The following TTC34 variants were observed in gnomAD, a reference collection of about 807,000 sequenced individuals.
TTC34 encodes tetratricopeptide repeat protein 34.
A neutral mutation model predicts 40.7 loss-of-function variants in TTC34; 44 were observed. The observed-to-expected ratio is 1.08, with a 90% CI of 0.85 to 1.39. TTC34 has a LOEUF of 1.39. Ranked by LOEUF, TTC34 falls within the 40% of genes most tolerant of loss-of-function variation. The pLI, the probability that TTC34 is intolerant of heterozygous loss-of-function variation, is 0.00. For missense variants in TTC34, 884 were observed against 838.0 expected, an observed-to-expected ratio of 1.05 and a Z score of -0.68; for synonymous variants, 422 against 398.6, an observed-to-expected ratio of 1.06 and a Z score of -0.70.
intron 6 of TTC34, among the ~76,000 whole-genome samples, chr1:2,768,242 C>T (rs1019386610): frequency 3.3e-5 from 5 of 151,854 alleles, no homozygotes; most frequent in Non-Finnish European, 7.4e-5. Context: ...GTTGGGAGTG[C>T]CATTCCAGGC....
intron 6 of TTC34, among the ~76,000 whole-genome samples, chr1:2,759,762 AC>A (rs1641632969): frequency 2.1e-5 from 1 of 46,536 alleles, no homozygotes; most frequent in Non-Finnish European, 3.7e-5. Flanking sequence ...CCCCACACCC[AC>A]AGGTGAGCAT....
chr1:2,794,201 C>T (rs1643692235), intron 2 of TTC34, among the ~76,000 whole-genome samples: 1 of 151,904 alleles, frequency 6.6e-6, no homozygotes, highest in Admixed American at 6.6e-5. Context: ...GAGACCAGTT[C>T]CCACTATGTT....
At chr1:2,650,183 G>C (rs887578495) in intron 6 of TTC34, among the ~76,000 whole-genome samples, 1 of 145,832 alleles carries the variant, frequency 6.9e-6, no homozygotes, top group East Asian at 2.0e-4. Flanking sequence ...ACCCTCAGGT[G>C]AGCTTCTGAC....
At chr1:2,759,550 C>T (rs1641622737) in intron 6 of TTC34, among the ~76,000 whole-genome samples, 18 of 143,366 alleles carry the variant, frequency 1.3e-4, no homozygotes, top group South Asian at 2.3e-4. Flanking sequence ...CCTGGAACAG[C>T]ACCCACACTC....
intron 6 of TTC34, among the ~76,000 whole-genome samples, chr1:2,683,466 C>CG (rs1640172816): frequency 6.6e-6 from 1 of 151,556 alleles, no homozygotes; most frequent in Admixed American, 6.6e-5. Context: ...TGGAGCAGCA[C>CG]CCACACCACC....
At chr1:2,747,675 ACC>A (rs1641197341) in intron 6 of TTC34, among the ~76,000 whole-genome samples, 1 of 140,714 alleles carries the variant, frequency 7.1e-6, no homozygotes, top group Non-Finnish European at 1.5e-5. Context: ...CAGCACGCAA[ACC>A]CCCAGGTGAG....
At chr1:2,691,572 A>T (rs1251705980) in intron 6 of TTC34, among the ~76,000 whole-genome samples, 69 of 127,022 alleles carry the variant, frequency 5.4e-4, no homozygotes, top group African/African-American at 1.4e-3. Flanking sequence ...AGACTGGAAC[A>T]GCACCCACAT....
intron 6 of TTC34, among the ~76,000 whole-genome samples, chr1:2,700,210 C>CAA (rs1557633580): frequency 1.2e-4 from 9 of 75,700 alleles, no homozygotes; most frequent in African/African-American, 3.5e-4. Flanking sequence ...CAGCGCCGAC[C>CAA]CCCCCAGGGT....
At chr1:2,752,267 A>T (rs1641345482) in intron 6 of TTC34, among the ~76,000 whole-genome samples, 1 of 105,390 alleles carries the variant, frequency 9.5e-6, no homozygotes, top group African/African-American at 4.6e-5. Flanking sequence ...TGAGCCTCTG[A>T]CAGCCTGGAA....
intron 6 of TTC34, among the ~76,000 whole-genome samples, chr1:2,781,366 T>G (rs533934081): frequency 4.2e-4 from 64 of 152,350 alleles, no homozygotes; most frequent in African/African-American, 1.5e-3. Context: ...TGCAACTGAT[T>G]TTTGTGTTGC....
intron 6 of TTC34, among the ~76,000 whole-genome samples, chr1:2,687,750 T>C (rs555395065): frequency 7.2e-4 from 107 of 148,952 alleles, no homozygotes; most frequent in Non-Finnish European, 1.2e-3. Context: ...TCCGACAGCC[T>C]GGAGCAGAAC....
chr1:2,748,829 C>T lies in TTC34; in HGVS notation c.2226+34780G>A, dbSNP rs1396389283. Among the ~76,000 whole-genome samples, 128 of 74,092 alleles carry T rather than the reference C, an allele frequency of 1.7e-3. 1 individual carries two copies. The highest frequency in any genetic ancestry group is 2.7e-3 in the Admixed American group (19 of 6,944). The allele number at this position is 74,092 out of a possible 152,430, so 48.6% of individuals were successfully genotyped here. ...CAGGCGAGCATCTGACAGCCTCGGT[C>T]GGCACCCACAAACCCAGGTGAGCAT... is the stretch of plus-strand genomic sequence containing the variant. On this transcript the variant is annotated intron_variant, in intron 6 of 8. Transcript: ENST00000401095.
chr1:2,649,803 C>T (rs987316963), intron 6 of TTC34, among the ~76,000 whole-genome samples: 5 of 152,304 alleles, frequency 3.3e-5, no homozygotes, highest in South Asian at 2.1e-4. Context: ...CACGAGTCAT[C>T]GCACCTGGCT....
chr1:2,783,660 C>T, exon 6 of TTC34: 1 of 1,531,924 alleles, frequency 6.5e-7, no homozygotes, highest in Non-Finnish European at 8.8e-7. Context: ...ACAGTGCCTG[C>T]ACGTTCCCCG....
intron 6 of TTC34, among the ~76,000 whole-genome samples, chr1:2,652,467 C>T (rs1215904490): frequency 5.9e-5 from 9 of 151,802 alleles, no homozygotes; most frequent in Admixed American, 2.0e-4. Context: ...ATCCGACAGC[C>T]TGGAGCAGAA....
At chr1:2,692,937 T>C (rs1362459596) in intron 6 of TTC34, among the ~76,000 whole-genome samples, 24 of 22,424 alleles carry the variant, frequency 1.1e-3, no homozygotes, top group South Asian at 1.5e-3. Context: ...CCTGGAGCAG[T>C]GCCCACACCC....
intron 6 of TTC34, among the ~76,000 whole-genome samples, chr1:2,698,468 C>A (rs1479477599): frequency 9.8e-5 from 12 of 122,730 alleles, no homozygotes; most frequent in Non-Finnish European, 2.0e-4. Flanking sequence ...CATGTGACAG[C>A]CTGGATCAGC....
At chr1:2,750,218 C>A (rs1641269759) in intron 6 of TTC34, among the ~76,000 whole-genome samples, 1 of 152,294 alleles carries the variant, frequency 6.6e-6, no homozygotes, top group African/African-American at 2.4e-5. Flanking sequence ...AGGTGCGCAT[C>A]TGATGGTCTG....
intron 6 of TTC34, among the ~76,000 whole-genome samples, chr1:2,684,798 C>G (rs557103024): frequency 7.5e-6 from 1 of 133,672 alleles, no homozygotes; most frequent in African/African-American, 3.3e-5. Flanking sequence ...CACCCACACC[C>G]CCAGGTGAGC....
Sources: allele counts gnomAD v4.1 joint callset (sites outside exome capture counted in the v4.1 genomes callset), GRCh38; gene constraint gnomAD v4.1.1; transcripts MANE v1.5; gene names NCBI Gene and HGNC (gene_info 2026-07-23, HGNC 2026-07-21).